The following PTPRD variants were observed in gnomAD, a reference collection of about 807,000 sequenced individuals.
PTPRD encodes protein tyrosine phosphatase receptor type D.
Under a neutral mutation model 214.5 loss-of-function variants are expected in PTPRD, and 34 were observed. The observed-to-expected ratio is 0.16, with a 90% CI of 0.12 to 0.21. The LOEUF (loss-of-function observed/expected upper bound fraction) is 0.21, where lower values mean the gene tolerates loss of function less well. Among genes scored for constraint, PTPRD ranks in the 10% least tolerant of loss-of-function variants. The pLI is 1.00. For synonymous variants in PTPRD, 1,128 were observed against 845.7 expected, an observed-to-expected ratio of 1.33 and a Z score of -5.79; for missense variants, 2,545 against 2,398.7, an observed-to-expected ratio of 1.06 and a Z score of -1.27.
At chr9:9,159,642 C>T (rs1265338439) in intron 10 of PTPRD, among the ~76,000 whole-genome samples, 2 of 152,024 alleles carry the variant, frequency 1.3e-5, no homozygotes, top group African/African-American at 2.4e-5. Context: ...TTCAAGTGAT[C>T]GACAGGTTGA....
intron 2 of PTPRD, among the ~76,000 whole-genome samples, chr9:10,450,376 A>G (rs1225597538): frequency 6.6e-6 from 1 of 152,070 alleles, no homozygotes; most frequent in African/African-American, 2.4e-5. Flanking sequence ...TTCTTTATCT[A>G]ATTGTCATAC....
intron 8 of PTPRD, among the ~76,000 whole-genome samples, chr9:9,447,959 A>G (rs1028782218): frequency 6.6e-6 from 1 of 152,066 alleles, no homozygotes; most frequent in Non-Finnish European, 1.5e-5. Flanking sequence ...ACATAGTCTT[A>G]CAGACTGCAC....
At chr9:10,400,087 G>T (rs1369736778) in intron 2 of PTPRD, among the ~76,000 whole-genome samples, 2 of 151,708 alleles carry the variant, frequency 1.3e-5, no homozygotes, top group African/African-American at 4.8e-5. Flanking sequence ...CCGATATAGT[G>T]GTTAAGCATG....
At chr9:9,009,329 G>A (rs1355932113) in intron 11 of PTPRD, among the ~76,000 whole-genome samples, 1 of 152,068 alleles carries the variant, frequency 6.6e-6, no homozygotes, top group Non-Finnish European at 1.5e-5. Context: ...AACCCCAACA[G>A]AATTGAAATA....
At chr9:8,767,599 A>G (rs1293305386) in intron 11 of PTPRD, among the ~76,000 whole-genome samples, 2 of 152,226 alleles carry the variant, frequency 1.3e-5, no homozygotes, top group African/African-American at 4.8e-5. Flanking sequence ...ATGGGTGGCC[A>G]TGATCAATCT....
At chr9:10,493,259 C>T (rs900044652) in intron 2 of PTPRD, among the ~76,000 whole-genome samples, 5 of 151,952 alleles carry the variant, frequency 3.3e-5, no homozygotes, top group African/African-American at 1.2e-4. Context: ...ACTAATTTCA[C>T]ATGGAACCAA....
chr9:10,446,779 G>A (rs58304469), intron 2 of PTPRD, among the ~76,000 whole-genome samples: 3,663 of 152,088 alleles, frequency 0.024, 115 homozygotes, highest in African/African-American at 0.075. Context: ...TCAATATTAC[G>A]GGTATTTAAA....
At chr9:10,420,555 C>T (rs565743799) in intron 2 of PTPRD, among the ~76,000 whole-genome samples, 11 of 151,624 alleles carry the variant, frequency 7.3e-5, no homozygotes, top group Admixed American at 4.6e-4. Context: ...GTACAAACGA[C>T]GGGGGGGCTG....
intron 5 of PTPRD, among the ~76,000 whole-genome samples, chr9:9,844,287 A>G (rs1056506514): frequency 5.9e-5 from 9 of 152,138 alleles, no homozygotes; most frequent in African/African-American, 2.2e-4. Flanking sequence ...ATCATCACCC[A>G]TGCTGTACAT....
intron 3 of PTPRD, among the ~76,000 whole-genome samples, chr9:10,144,273 C>A (rs540005045): frequency 6.6e-6 from 1 of 151,968 alleles, no homozygotes; most frequent in South Asian, 2.1e-4. Flanking sequence ...ACTCTTCTCT[C>A]CAAAAAGTAA....
intron 11 of PTPRD, among the ~76,000 whole-genome samples, chr9:9,011,315 C>T (rs999296747): frequency 1.3e-5 from 2 of 152,060 alleles, no homozygotes; most frequent in African/African-American, 2.4e-5. Context: ...GACTAGTAAG[C>T]CTGGAGCTTT....
chr9:8,632,826 G>A (rs1595716760), intron 14 of PTPRD, among the ~76,000 whole-genome samples: 1 of 151,928 alleles, frequency 6.6e-6, no homozygotes, highest in Non-Finnish European at 1.5e-5. Flanking sequence ...AATAAAAAAT[G>A]TATTTTTTTT....
intron 12 of PTPRD, among the ~76,000 whole-genome samples, chr9:8,655,288 C>T (rs2096887073): frequency 1.3e-5 from 2 of 152,278 alleles, no homozygotes; most frequent in South Asian, 4.1e-4. Context: ...CCTCCCCTGC[C>T]TCTTTGGGGA....
intron 5 of PTPRD, among the ~76,000 whole-genome samples, chr9:9,845,146 ATTGCTC>A (rs2059255237): frequency 7.1e-5 from 1 of 14,056 alleles, no homozygotes; most frequent in African/African-American, 1.5e-4. Context: ...ATATATATAT[ATTGCTC>A]TATATATAGA....
intron 8 of PTPRD, among the ~76,000 whole-genome samples, chr9:9,477,814 G>A (rs191737329): frequency 2.2e-3 from 342 of 152,016 alleles, no homozygotes; most frequent in African/African-American, 8.1e-3. Flanking sequence ...TGACAAACGT[G>A]TTTCAAAAAA....
intron 3 of PTPRD, among the ~76,000 whole-genome samples, chr9:10,291,725 AT>A (rs1436541472): frequency 3.5e-4 from 54 of 152,168 alleles, no homozygotes; most frequent in African/African-American, 1.3e-3. Flanking sequence ...AGTGAAACTT[AT>A]TTCAGACTTC....
chr9:9,642,370 C>T (rs981012890), intron 7 of PTPRD, among the ~76,000 whole-genome samples: 58 of 151,088 alleles, frequency 3.8e-4, no homozygotes, highest in Admixed American at 1.2e-3. Context: ...ACATATGTAA[C>T]TAACCTGCAC....
At chr9:9,417,898 G>A (rs934733767) in intron 8 of PTPRD, among the ~76,000 whole-genome samples, 2 of 151,866 alleles carry the variant, frequency 1.3e-5, no homozygotes, top group African/African-American at 4.8e-5. Flanking sequence ...ACTGGAAAAG[G>A]CAAATAAATC....
intron 11 of PTPRD, among the ~76,000 whole-genome samples, chr9:8,764,908 T>A (rs754605127): frequency 8.6e-5 from 13 of 152,012 alleles, no homozygotes; most frequent in Non-Finnish European, 1.6e-4. Context: ...ATTAAACACA[T>A]CTCATGATTG....
Sources: allele counts gnomAD v4.1 joint callset (sites outside exome capture counted in the v4.1 genomes callset), GRCh38; gene constraint gnomAD v4.1.1; transcripts MANE v1.5; gene names NCBI Gene and HGNC (gene_info 2026-07-23, HGNC 2026-07-21).